ULK4: variants seen among roughly 807,000 people sequenced by gnomAD.
ULK4 encodes the protein unc-51 like kinase 4.
In ULK4, 133 loss-of-function variants were observed where a neutral mutation model predicts 160.6. The observed-to-expected ratio is 0.83, with a 90% CI of 0.72 to 0.96. The LOEUF (loss-of-function observed/expected upper bound fraction) is 0.96. Ranked by LOEUF, ULK4 falls within the 40% of genes least tolerant of loss-of-function variation. The probability of loss-of-function intolerance (pLI) is 0.00; values close to 1 mark genes in which losing one functional copy is unlikely to be tolerated. For missense variants in ULK4, 1,580 were observed against 1,499.5 expected, an observed-to-expected ratio of 1.05 and a Z score of -0.89; for synonymous variants, 534 against 539.8, an observed-to-expected ratio of 0.99 and a Z score of 0.15.
At chr3:41,923,799 T>C (rs1415834933) in intron 5 of ULK4, among the ~76,000 whole-genome samples, 1 of 152,196 alleles carries the variant, frequency 6.6e-6, no homozygotes, top group Admixed American at 6.5e-5. Context: ...TTTGAAACTC[T>C]TTTCATAAAT....
intron 35 of ULK4, among the ~76,000 whole-genome samples, chr3:41,387,196 T>C (rs1234303488): frequency 1.3e-5 from 2 of 152,138 alleles, no homozygotes; most frequent in African/African-American, 2.4e-5. Context: ...AATTAAGATA[T>C]CTATCATTTA....
At chr3:41,902,575 CAAAAAAAAAAAAGAA>C (rs1393461385) in intron 12 of ULK4, among the ~76,000 whole-genome samples, 4 of 53,238 alleles carry the variant, frequency 7.5e-5, no homozygotes, top group African/African-American at 1.4e-4. Flanking sequence ...GAGACTCCAC[CAAAAAAAAAAAAGAA>C]AAAAAAAAAA....
intron 27 of ULK4, among the ~76,000 whole-genome samples, chr3:41,687,048 A>C (rs2036124046): frequency 6.6e-6 from 1 of 151,784 alleles, no homozygotes; most frequent in Admixed American, 6.6e-5. Context: ...GCACCACTGC[A>C]CTCCAGCCTG....
intron 32 of ULK4, among the ~76,000 whole-genome samples, chr3:41,555,140 A>C (rs1334159667): frequency 6.6e-6 from 1 of 152,182 alleles, no homozygotes; most frequent in Non-Finnish European, 1.5e-5. Context: ...TGACTTTTGA[A>C]AAAAGTTAAC....
chr3:41,708,112 C>CA (rs918745553), intron 25 of ULK4, among the ~76,000 whole-genome samples: 13 of 150,402 alleles, frequency 8.6e-5, no homozygotes, highest in African/African-American at 3.0e-4. Context: ...GAAAATTCTT[C>CA]AAAAAAATTA....
chr3:41,515,025 C>T (rs940820850), intron 32 of ULK4, among the ~76,000 whole-genome samples: 2 of 152,004 alleles, frequency 1.3e-5, no homozygotes, highest in African/African-American at 4.8e-5. Context: ...GAGGCTGGGG[C>T]GGGTAGATCA....
At chr3:41,628,402 T>C (rs536523641) in intron 30 of ULK4, among the ~76,000 whole-genome samples, 43 of 152,214 alleles carry the variant, frequency 2.8e-4, no homozygotes, top group Middle Eastern at 3.4e-3. Flanking sequence ...ATAAGACATA[T>C]CCCCATGGTA....
intron 17 of ULK4, among the ~76,000 whole-genome samples, chr3:41,869,894 A>C (rs1697029389): frequency 6.6e-6 from 1 of 152,224 alleles, no homozygotes; most frequent in South Asian, 2.1e-4. Context: ...ATTTCTAGTC[A>C]AATTCTCTCA....
intron 35 of ULK4, among the ~76,000 whole-genome samples, chr3:41,325,409 A>G (rs575012970): frequency 6.6e-6 from 1 of 152,234 alleles, no homozygotes; most frequent in Non-Finnish European, 1.5e-5. Flanking sequence ...TCAGAATTGA[A>G]CTCCATTTAT....
chr3:41,734,464 T>A (rs1166907573), intron 22 of ULK4, among the ~76,000 whole-genome samples: 1 of 152,156 alleles, frequency 6.6e-6, no homozygotes, highest in Non-Finnish European at 1.5e-5. Flanking sequence ...ATTGAATACG[T>A]TAAGATAATA....
At chr3:41,338,239 C>T (rs886484818) in intron 35 of ULK4, among the ~76,000 whole-genome samples, 3 of 152,164 alleles carry the variant, frequency 2.0e-5, no homozygotes, top group Non-Finnish European at 4.4e-5. Flanking sequence ...TTCCTGTTCC[C>T]CTCCTTGAAA....
chr3:41,556,925 G>A (rs1454698321), intron 32 of ULK4, among the ~76,000 whole-genome samples: 2 of 152,044 alleles, frequency 1.3e-5, no homozygotes, highest in African/African-American at 4.8e-5. Context: ...CATCAAAAAT[G>A]AACAAACAAA....
chr3:41,474,801 T>C lies in ULK4; in HGVS notation c.3227-11548A>G, dbSNP rs1176138968. 1.5e-5 allele frequency among the ~76,000 whole-genome samples: 2 copies of C among 137,200 alleles called. 1 individual carries two copies. The highest frequency in any genetic ancestry group is 5.8e-5 in the African/African-American group (2 of 34,748). The allele number at this position is 137,200 out of a possible 152,430, so 90.0% of individuals were successfully genotyped here. On this transcript the variant is annotated intron_variant, in intron 32 of 36. Coordinates refer to ENST00000301831, the MANE Select transcript of ULK4 (RefSeq NM_017886.4). ...AACCACAAGGAGATATCACCTTACA[T>C]CTGTCAGAATGATTATTATTAAAAA...
intron 18 of ULK4, among the ~76,000 whole-genome samples, chr3:41,825,021 T>C (rs1054076066): frequency 1.3e-5 from 2 of 152,226 alleles, no homozygotes; most frequent in Admixed American, 6.5e-5. Flanking sequence ...TCCGCTGTTC[T>C]GCAGCCTCCG....
chr3:41,787,100 G>GGAAAAT (rs2040019100), intron 21 of ULK4, among the ~76,000 whole-genome samples: 1 of 152,124 alleles, frequency 6.6e-6, no homozygotes, highest in Non-Finnish European at 1.5e-5. Flanking sequence ...CAAGCACCAT[G>GGAAAAT]GAAAAACCAC....
chr3:41,415,999 T>C (rs2082518984), intron 34 of ULK4, among the ~76,000 whole-genome samples: 1 of 152,222 alleles, frequency 6.6e-6, no homozygotes, highest in Admixed American at 6.5e-5. Flanking sequence ...CCAATGACTT[T>C]CATAAAGTAA....
chr3:41,476,550 A>G (rs1373149721), intron 32 of ULK4, among the ~76,000 whole-genome samples: 1 of 152,112 alleles, frequency 6.6e-6, no homozygotes, highest in Non-Finnish European at 1.5e-5. Flanking sequence ...TCCACGAAGA[A>G]GGCTTGTAAC....
chr3:41,687,049 C>T (rs2036124158), intron 27 of ULK4, among the ~76,000 whole-genome samples: 2 of 152,038 alleles, frequency 1.3e-5, no homozygotes, highest in Non-Finnish European at 2.9e-5. Flanking sequence ...CACCACTGCA[C>T]TCCAGCCTGG....
chr3:41,675,314 G>C (rs552323592), intron 29 of ULK4, among the ~76,000 whole-genome samples: 27 of 152,178 alleles, frequency 1.8e-4, no homozygotes, highest in Admixed American at 2.6e-4. Context: ...GTTAGGCTGG[G>C]AGTGGTGGTT....
Sources: allele counts gnomAD v4.1 joint callset (sites outside exome capture counted in the v4.1 genomes callset), GRCh38; gene constraint gnomAD v4.1.1; transcripts MANE v1.5; gene names NCBI Gene and HGNC (gene_info 2026-07-23, HGNC 2026-07-21).